The following KIF21A variants were observed in gnomAD, a reference collection of about 807,000 sequenced individuals.
KIF21A encodes the protein kinesin-like protein KIF21A.
KIF21A carries 114 observed loss-of-function variants against 202.9 expected under a neutral mutation model. The ratio of observed to expected loss-of-function variants is 0.56; its 90% CI spans 0.48 to 0.66. The LOEUF (loss-of-function observed/expected upper bound fraction) is 0.66, where lower values mean the gene tolerates loss of function less well. KIF21A is among the 30% of genes least tolerant of loss of function. KIF21A has a pLI of 0.00. For synonymous variants in KIF21A, 667 were observed against 670.8 expected (o/e 0.99, Z 0.09); for missense variants, 1,677 against 1,994.9 (o/e 0.84, Z 3.04).
chr12:39,435,446 T>A (rs548226657), intron 1 of KIF21A, among the ~76,000 whole-genome samples: 3 of 152,286 alleles, frequency 2.0e-5, no homozygotes, highest in African/African-American at 7.2e-5. Flanking sequence ...ATGACATCAG[T>A]CTAGAAAAGC....
chr12:39,374,554 C>A (rs1512941), intron 1 of KIF21A, among the ~76,000 whole-genome samples: 19,705 of 152,124 alleles, frequency 0.13, 1,371 homozygotes, highest in African/African-American at 0.18. Flanking sequence ...ATTATTATTT[C>A]TCCATTAGCA....
intron 1 of KIF21A, among the ~76,000 whole-genome samples, chr12:39,426,572 T>C (rs1954767669): frequency 6.6e-6 from 1 of 152,060 alleles, no homozygotes; most frequent in African/African-American, 2.4e-5. Flanking sequence ...AGCATTTACA[T>C]TACTATTTTG....
At chr12:39,336,155 A>G (rs1039463682) in intron 17 of KIF21A, among the ~76,000 whole-genome samples, 2 of 152,138 alleles carry the variant, frequency 1.3e-5, no homozygotes, top group South Asian at 4.1e-4. Flanking sequence ...CTGGGCTCAA[A>G]GCAATCCTCC....
intron 1 of KIF21A, among the ~76,000 whole-genome samples, chr12:39,441,328 AC>A (rs1456065395): frequency 1.3e-5 from 2 of 152,198 alleles, no homozygotes; most frequent in Non-Finnish European, 2.9e-5. Flanking sequence ...TAGAGAATTC[AC>A]ATATAAAAAT....
intron 1 of KIF21A, among the ~76,000 whole-genome samples, chr12:39,381,276 C>T (rs894797120): frequency 3.4e-5 from 5 of 145,954 alleles, no homozygotes; most frequent in Non-Finnish European, 5.9e-5. Context: ...CACTGCACTC[C>T]AGCCTGGGCA....
intron 12 of KIF21A, among the ~76,000 whole-genome samples, chr12:39,343,571 AAACTT>A (rs1178102699): frequency 1.3e-5 from 2 of 152,120 alleles, no homozygotes; most frequent in African/African-American, 4.8e-5. Flanking sequence ...TCTAGGCTAA[AAACTT>A]AATCTCATTT....
At position 39,442,192 on chromosome 12, in the gene KIF21A, T is replaced by G. The variant is rs2140525598; in HGVS notation, c.44+735A>C. On this transcript the variant is annotated intron_variant, in intron 1 of 37. Transcript: ENST00000361418. The surrounding 1 kb of genome is among the most constrained non-coding windows in gnomAD (Gnocchi z 5.0). ...ACGATTACATTGTATCCACCCTGCCTAATGTCAGTATGTTTCACACAGTCA... is the reference window on the plus strand; with the variant it reads ...ACGATTACATTGTATCCACCCTGCCGAATGTCAGTATGTTTCACACAGTCA... 6.6e-6 allele frequency among the ~76,000 whole-genome samples: 1 copy of G among 152,284 alleles called. No homozygotes were observed.
chr12:39,298,126 T>C (rs1942591259), intron 37 of KIF21A, among the ~76,000 whole-genome samples: 1 of 152,016 alleles, frequency 6.6e-6, no homozygotes, highest in African/African-American at 2.4e-5. Flanking sequence ...GCTGTGATCC[T>C]GGAGAAAAGG....
intron 37 of KIF21A, among the ~76,000 whole-genome samples, chr12:39,301,056 G>A (rs1355919611): frequency 1.3e-5 from 2 of 152,154 alleles, no homozygotes; most frequent in African/African-American, 2.4e-5. Flanking sequence ...ATCCACAAGC[G>A]GGAGGAAGCA....
At chr12:39,424,384 C>G (rs1348072667) in intron 1 of KIF21A, among the ~76,000 whole-genome samples, 1 of 152,182 alleles carries the variant, frequency 6.6e-6, no homozygotes, top group Non-Finnish European at 1.5e-5. Flanking sequence ...TAAGTCTTCT[C>G]TAAATTTTCC....
At chr12:39,307,869 C>T in intron 33 of KIF21A, 140 bp from the exon 34 acceptor site, 1 of 693,778 alleles carries the variant, frequency 1.4e-6, no homozygotes, top group South Asian at 1.5e-5. Context: ...CTACCTAGCA[C>T]AGCACCTAAC....
intron 1 of KIF21A, among the ~76,000 whole-genome samples, chr12:39,429,878 CT>C (rs994099666): frequency 1.2e-4 from 18 of 151,672 alleles, no homozygotes; most frequent in African/African-American, 4.1e-4. Context: ...AGGGATAAAA[CT>C]AAAAAAGAAA....
chr12:39,419,130 A>G (rs925080346), intron 1 of KIF21A, among the ~76,000 whole-genome samples: 1 of 152,184 alleles, frequency 6.6e-6, no homozygotes, highest in African/African-American at 2.4e-5. Context: ...TATGACATGG[A>G]AGGGTATGGT....
chr12:39,439,891 T>C (rs936902198), intron 1 of KIF21A, among the ~76,000 whole-genome samples: 6 of 152,174 alleles, frequency 3.9e-5, no homozygotes, highest in Non-Finnish European at 7.4e-5. Flanking sequence ...AAATCTACAA[T>C]AGAGTCATCA....
At chr12:39,420,811 G>T (rs764562024) in intron 1 of KIF21A, among the ~76,000 whole-genome samples, 12 of 151,956 alleles carry the variant, frequency 7.9e-5, no homozygotes, top group African/African-American at 2.9e-4. Flanking sequence ...GACAAATCCT[G>T]AATGAAGCAT....
chr12:39,408,606 T>G (rs893885854), intron 1 of KIF21A, among the ~76,000 whole-genome samples: 2 of 152,150 alleles, frequency 1.3e-5, no homozygotes, highest in East Asian at 1.9e-4. Flanking sequence ...ACTCATTGAA[T>G]AGGTTTAATA....
At chr12:39,316,455 T>C (rs1239778782) in intron 29 of KIF21A, among the ~76,000 whole-genome samples, 1 of 152,130 alleles carries the variant, frequency 6.6e-6, no homozygotes, top group African/African-American at 2.4e-5. Flanking sequence ...TCACTCAAAA[T>C]TTAATAACTT....
chr12:39,328,394 G>A (rs1946169576), intron 24 of KIF21A, among the ~76,000 whole-genome samples: 1 of 152,108 alleles, frequency 6.6e-6, no homozygotes, highest in Admixed American at 6.5e-5. Flanking sequence ...TCTTATCGTA[G>A]GGAGAGAGAT....
At chr12:39,400,715 A>G (rs1448774801) in intron 1 of KIF21A, among the ~76,000 whole-genome samples, 1 of 152,224 alleles carries the variant, frequency 6.6e-6, no homozygotes, top group Admixed American at 6.5e-5. Context: ...GTGCTGATAG[A>G]GTCAAGAACT....
Sources: gnomAD v4.1 joint callset for allele counts (sites outside exome capture counted in the v4.1 genomes callset) on GRCh38, gnomAD v4.1.1 for gene constraint, Gnocchi (gnomAD v3.1) non-coding constraint, MANE v1.5 for transcripts, NCBI Gene and HGNC (gene_info 2026-07-23, HGNC 2026-07-21) for gene names.